The following RNF157 variants were observed in gnomAD, a reference collection of about 807,000 sequenced individuals.
The protein encoded by RNF157 is E3 ubiquitin ligase RNF157.
RNF157 carries 55 observed loss-of-function variants against 88.3 expected under a neutral mutation model. That is an observed-to-expected ratio of 0.62 (90% CI 0.50 to 0.78). RNF157 has a LOEUF of 0.78. Ranked by LOEUF, RNF157 falls within the 30% of genes least tolerant of loss-of-function variation. RNF157 has a pLI of 0.00. For synonymous variants in RNF157, 334 were observed against 341.2 expected (o/e 0.98, Z 0.23); for missense variants, 788 against 860.8 (o/e 0.92, Z 1.06).
At chr17:76,154,378 A>C in intron 16 of RNF157, 50 bp from the exon 17 acceptor site, 1 of 1,247,866 alleles carries the variant, frequency 8.0e-7, no homozygotes, top group Non-Finnish European at 1.2e-6. Context: ...AAAATGAGTA[A>C]ACTGATTGGC....
At chr17:76,162,053 C>T in intron 9 of RNF157, 51 bp from the exon 10 acceptor site, 1 of 1,571,380 alleles carries the variant, frequency 6.4e-7, no homozygotes. Flanking sequence ...CTTCCTGTCC[C>T]ATACTTTACT....
At position 76,173,748 on chromosome 17, in the gene RNF157, G is replaced by T; in HGVS notation, c.250C>A (p.Leu84Met). 6.2e-7 allele frequency: 1 copy of T among 1,611,448 alleles called. No homozygotes were observed. Among genetic ancestry groups the T allele is most frequent in the Non-Finnish European group, 8.5e-7 (1 of 1,178,548 alleles). The change falls in exon 3 of 19, where the codon CTG becomes ATG. Residue 84 changes from leucine (L) to methionine (M), a missense_variant. By Grantham distance (15) the Leu-to-Met change is conservative. Coordinates refer to ENST00000269391, the MANE Select transcript of RNF157 (RefSeq NM_052916.3). ...TTTCGGATATTGACCAGGCTTCTCA[G>T]AGTCTTCACGGGTTCTTGGGGAGGT... ...APPPQEPVKTLRSLVNIRKDT... is the reference protein window; with the variant it reads ...APPPQEPVKTMRSLVNIRKDT...
Position 76,214,161 on chromosome 17 carries a change from T to C in RNF157, c.89-1679A>G, listed in dbSNP as rs183722409. Among the ~76,000 whole-genome samples, 42 of 152,198 alleles carry C rather than the reference T, an allele frequency of 2.8e-4. No individual in the cohort carries two copies. In the East Asian group the frequency reaches 7.5e-3, roughly 27 times the overall value. ...AGAAGTGGGGGGCAGTCTTGTGAGATTGCACCCTCAACCTGTGGGATGGGA... is the reference window on the plus strand; with the variant it reads ...AGAAGTGGGGGGCAGTCTTGTGAGACTGCACCCTCAACCTGTGGGATGGGA... On this transcript the variant is annotated intron_variant, in intron 1 of 18. Coordinates refer to ENST00000269391, the MANE Select transcript of RNF157 (RefSeq NM_052916.3).
chr17:76,200,067 C>T (rs926069964), intron 2 of RNF157, among the ~76,000 whole-genome samples: 5 of 151,744 alleles, frequency 3.3e-5, no homozygotes, highest in Non-Finnish European at 7.4e-5. Context: ...GAAACCCCGT[C>T]TCTATTAAAA....
At chr17:76,226,221 C>A in intron 1 of RNF157, 16 of 1,612,430 alleles carry the variant, frequency 9.9e-6, no homozygotes, top group Non-Finnish European at 1.4e-5. Context: ...GCAGTGGAGT[C>A]CGGCTTCCTA....
At chr17:76,230,855 AAAAAGAGAGAG>A (rs1425975155) in intron 1 of RNF157, among the ~76,000 whole-genome samples, 101 of 92,424 alleles carry the variant, frequency 1.1e-3, no homozygotes, top group Middle Eastern at 0.011. Flanking sequence ...AAAAAAAAAA[AAAAAGAGAGAG>A]AGAGAGAGAG....
intron 2 of RNF157, among the ~76,000 whole-genome samples, chr17:76,199,565 A>G (rs2069536079): frequency 7.5e-6 from 1 of 133,010 alleles, no homozygotes; most frequent in African/African-American, 3.2e-5. Context: ...AAAGCAGCTG[A>G]AAGTTAAAAA....
chr17:76,218,374 CTCACGCCTGCAA>C (rs2069926145), intron 1 of RNF157, among the ~76,000 whole-genome samples: 1 of 152,340 alleles, frequency 6.6e-6, no homozygotes, highest in African/African-American at 2.4e-5. Flanking sequence ...AGCCCAGTGG[CTCACGCCTGCAA>C]TCCCAGTACT....
At chr17:76,166,690 AGCT>A (rs2068930591) in intron 5 of RNF157, among the ~76,000 whole-genome samples, 163 bp from the exon 6 acceptor site, 1 of 152,198 alleles carries the variant, frequency 6.6e-6, no homozygotes, top group Non-Finnish European at 1.5e-5. Context: ...GAGGGCCATC[AGCT>A]GCTTTTTAAA....
chr17:76,234,242 A>G (rs1356421024), intron 1 of RNF157, among the ~76,000 whole-genome samples: 2 of 152,130 alleles, frequency 1.3e-5, no homozygotes, highest in African/African-American at 4.8e-5. Context: ...ATAATATTCT[A>G]TTGTGCAGAC....
chr17:76,181,645 C>G (rs1174362325), intron 2 of RNF157, among the ~76,000 whole-genome samples: 1 of 152,078 alleles, frequency 6.6e-6, no homozygotes, highest in Non-Finnish European at 1.5e-5. Context: ...TGCGGTGGCT[C>G]ACATCTAATC....
intron 2 of RNF157, among the ~76,000 whole-genome samples, chr17:76,174,079 A>T (rs535364303): frequency 2.0e-5 from 3 of 152,250 alleles, no homozygotes; most frequent in South Asian, 2.1e-4. Context: ...TTAATAATAA[A>T]AAAAAAAACC....
At chr17:76,187,505 A>G (rs1568048860) in intron 2 of RNF157, among the ~76,000 whole-genome samples, 1 of 152,162 alleles carries the variant, frequency 6.6e-6, no homozygotes, top group Non-Finnish European at 1.5e-5. Context: ...TTCTTTAGTT[A>G]ATCCTGTGGT....
intron 1 of RNF157, among the ~76,000 whole-genome samples, chr17:76,230,710 C>A (rs560800408): frequency 6.6e-6 from 1 of 151,804 alleles, no homozygotes; most frequent in South Asian, 2.1e-4. Context: ...TGGTGGCAGG[C>A]ACCTGCAATC....
intron 2 of RNF157, among the ~76,000 whole-genome samples, chr17:76,205,866 T>C (rs1173731874): frequency 6.6e-6 from 1 of 152,134 alleles, no homozygotes; most frequent in Non-Finnish European, 1.5e-5. Context: ...TACAGACTAT[T>C]AGGAACTAGG....
chr17:76,232,776 T>G lies in RNF157; in HGVS notation c.88+7377A>C, dbSNP rs144993750. Among the ~76,000 whole-genome samples the G allele has an allele frequency of 2.6e-4, 39 of 152,364 alleles. No individual in the cohort carries two copies. The East Asian group carries it at 6.7e-3, about 26-fold the overall frequency. On this transcript the variant is annotated intron_variant, in intron 1 of 18. Coordinates refer to ENST00000269391, the MANE Select transcript of RNF157 (RefSeq NM_052916.3). Reference sequence around the variant, plus strand: ...TTGACACTGTCTGCCTTTTCTATTTTAGTTATCCTAATTCTAATAGGTGTG... The same window carrying G: ...TTGACACTGTCTGCCTTTTCTATTTGAGTTATCCTAATTCTAATAGGTGTG...
At chr17:76,174,403 C>T (rs749067776) in intron 2 of RNF157, among the ~76,000 whole-genome samples, 2 of 152,204 alleles carry the variant, frequency 1.3e-5, no homozygotes, top group Non-Finnish European at 2.9e-5. Flanking sequence ...CCATCCGCTT[C>T]TTCCCCCTTT....
Position 76,226,443 on chromosome 17 carries a change from G to T in RNF157, c.88+13710C>A, listed in dbSNP as rs568980279. The T allele has an allele frequency of 1.9e-6, 3 of 1,600,808 alleles. No homozygotes were observed. In the East Asian group the frequency reaches 6.7e-5, roughly 36 times the overall value. ...GTCTCCTGGACTAGGGGGGCAAAGAGATTACAAGTGTCATCCAACGTGGTC... is the reference window on the plus strand; with the variant it reads ...GTCTCCTGGACTAGGGGGGCAAAGATATTACAAGTGTCATCCAACGTGGTC... On this transcript the variant is annotated intron_variant, in intron 1 of 18. Coordinates refer to ENST00000269391, the MANE Select transcript of RNF157 (RefSeq NM_052916.3).
At chr17:76,164,839 T>G in intron 7 of RNF157, 44 bp from the exon 8 acceptor site, 10 of 1,433,118 alleles carry the variant, frequency 7.0e-6, no homozygotes, top group Non-Finnish European at 8.8e-6. Flanking sequence ...GGGAGGGTAA[T>G]AAAGCACCAG....
Sources: gnomAD v4.1 joint callset for allele counts (sites outside exome capture counted in the v4.1 genomes callset) on GRCh38, gnomAD v4.1.1 for gene constraint, MANE v1.5 for transcripts, NCBI Gene and HGNC (gene_info 2026-07-23, HGNC 2026-07-21) for gene names.